The following BCL2L11 variants were observed in gnomAD, a reference collection of about 807,000 sequenced individuals.
BCL2L11 encodes bcl-2-like protein 11.
In BCL2L11, 15 loss-of-function variants were observed where a neutral mutation model predicts 20.6. The ratio of observed to expected loss-of-function variants is 0.73; its 90% confidence interval spans 0.49 to 1.12. The LOEUF (loss-of-function observed/expected upper bound fraction) is 1.12, where lower values mean the gene tolerates loss of function less well. BCL2L11 is among the 50% of genes most tolerant of loss of function. BCL2L11 has a pLI of 0.00. For synonymous variants in BCL2L11, 108 were observed against 92.8 expected (o/e 1.16, Z -0.94); for missense variants, 292 against 260.9 (o/e 1.12, Z -0.82).
Position 111,141,571 on chromosome 2 carries a change from G to A in BCL2L11, c.395-8473G>A, listed in dbSNP as rs1204931223. On this transcript the variant is annotated intron_variant, in intron 2 of 3. Coordinates refer to ENST00000393256, the MANE Select transcript of BCL2L11 (RefSeq NM_138621.5). ...GGAGATATACCTAATGCTAGATGACGAGTTAGTGGGTGCAGCACACCAGCA... is the reference window on the plus strand; with the variant it reads ...GGAGATATACCTAATGCTAGATGACAAGTTAGTGGGTGCAGCACACCAGCA... 8.0e-5 allele frequency among the ~76,000 whole-genome samples: 12 copies of A among 150,690 alleles called. No homozygotes were observed. The East Asian group carries it at 2.2e-3, about 27-fold the overall frequency.
intron 2 of BCL2L11, chr2:111,128,515 A>G (rs1367918767): frequency 7.5e-7 from 1 of 1,335,150 alleles, no homozygotes; most frequent in African/African-American, 1.5e-5. Context: ...TTGGGGAACC[A>G]TCATGCTGTT....
chr2:111,153,983 CG>C, intron 3 of BCL2L11: 1 of 1,375,120 alleles, frequency 7.3e-7, no homozygotes. Context: ...CCGGGCTGAA[CG>C]GCCTGGCCCC....
chr2:111,144,437 G>A, intron 2 of BCL2L11: 1 of 1,544,228 alleles, frequency 6.5e-7, no homozygotes, highest in Non-Finnish European at 8.8e-7. Context: ...ACATGATTCT[G>A]ATAGCATTTA....
chr2:111,136,600 G>C (rs2074929218), intron 2 of BCL2L11, among the ~76,000 whole-genome samples: 1 of 152,218 alleles, frequency 6.6e-6, no homozygotes, highest in African/African-American at 2.4e-5. Flanking sequence ...TCTGGAGGGT[G>C]ATAAGTACAA....
chr2:111,126,557 G>A (rs1367711682), intron 2 of BCL2L11, among the ~76,000 whole-genome samples: 1 of 152,006 alleles, frequency 6.6e-6, no homozygotes, highest in Non-Finnish European at 1.5e-5. Context: ...AAAGGACTTA[G>A]CCAGATGTGA....
intron 1 of BCL2L11, chr2:111,122,628 G>T (rs1197367129): frequency 1.9e-5 from 19 of 984,462 alleles, no homozygotes; most frequent in African/African-American, 3.5e-5. Context: ...CGCAGAGCGC[G>T]AGGGGAGGAG....
chr2:111,166,369 G>A lies in BCL2L11; in HGVS notation c.*2138G>A, dbSNP rs1192070260. On this transcript the variant is annotated 3_prime_UTR_variant, in exon 4 of 4. Coordinates refer to ENST00000393256, the MANE Select transcript of BCL2L11 (RefSeq NM_138621.5). The stretch of plus-strand genomic sequence containing the variant: ...TGAGCACATTTCCCTCTGGCCTGGC[G>A]GCCTCCAGGCTGGCTGTGGAAACAG... 5.2e-5 allele frequency: 8 copies of A among 152,786 alleles called. No individual in the cohort carries two copies. In the South Asian group the frequency reaches 1.2e-3, roughly 24 times the overall value. 9.5% of individuals were successfully genotyped at this position (152,786 alleles called of 1,614,324 possible). A position where few individuals can be genotyped will look rare whatever the true frequency, so the allele number is the denominator to read the frequency against.
At position 111,124,105 on chromosome 2, in the gene BCL2L11, T is replaced by G; in HGVS notation, c.360T>G (p.Pro120=). The change falls in exon 2 of 4, where the codon CCT becomes CCG. Residue 120 remains proline (P), a synonymous_variant. Coordinates refer to ENST00000393256, the MANE Select transcript of BCL2L11 (RefSeq NM_138621.5). ...AATCAACACAAACCCCAAGTCCTCC[T>G]TGCCAGGCCTTCAACCACTATCTCA... ...CDKSTQTPSP[P]CQAFNHYLSA... 6.2e-7 allele frequency: 1 copy of G among 1,613,100 alleles called. No individual in the cohort carries two copies. Among genetic ancestry groups the G allele is most frequent in the South Asian group, 1.1e-5 (1 of 91,012 alleles).
At chr2:111,122,697 G>C in intron 1 of BCL2L11, 1 of 981,978 alleles carries the variant, frequency 1.0e-6, no homozygotes, top group Non-Finnish European at 1.2e-6. Context: ...GGCCAGAGGC[G>C]CGGCGTGCGG....
intron 3 of BCL2L11, chr2:111,161,344 C>G (rs915911223): frequency 6.7e-7 from 1 of 1,501,798 alleles, no homozygotes; most frequent in African/African-American, 1.4e-5. Context: ...CGCTTGTAAT[C>G]AGGAAAGACA....
At chr2:111,150,732 AT>A (rs1188399396) in intron 3 of BCL2L11, among the ~76,000 whole-genome samples, 1 of 152,350 alleles carries the variant, frequency 6.6e-6, no homozygotes, top group East Asian at 1.9e-4. Flanking sequence ...TATATTATAG[AT>A]AATTGCCACT....
At position 111,167,161 on chromosome 2, in the gene BCL2L11, C is replaced by G. The variant is rs1407625201; in HGVS notation, c.*2930C>G. ...TATTAACATCCCTGTCTCCCACTCC[C>G]CTGCCGTCCCATGAAGTTAACTCCT... On this transcript the variant is annotated 3_prime_UTR_variant, in exon 4 of 4. Coordinates refer to ENST00000393256, the MANE Select transcript of BCL2L11 (RefSeq NM_138621.5). The G allele has an allele frequency of 6.6e-6, 1 of 152,562 alleles. No individual in the cohort carries two copies. Among genetic ancestry groups the G allele is most frequent in the South Asian group, 2.1e-4 (1 of 4,830 alleles). 9.5% of individuals were successfully genotyped at this position (152,562 alleles called of 1,614,324 possible). A position where few individuals can be genotyped will look rare whatever the true frequency, so the allele number is the denominator to read the frequency against.
chr2:111,144,507 G>A, intron 2 of BCL2L11: 1 of 1,550,600 alleles, frequency 6.4e-7, no homozygotes, highest in Non-Finnish European at 8.7e-7. Flanking sequence ...ACTAGAAACA[G>A]CTCCATCACC....
At chr2:111,148,703 G>A (rs1403249515) in intron 2 of BCL2L11, among the ~76,000 whole-genome samples, 1 of 152,152 alleles carries the variant, frequency 6.6e-6, no homozygotes, top group African/African-American at 2.4e-5. Context: ...ACTCTGGAGG[G>A]GATCGGTGTG....
intron 3 of BCL2L11, chr2:111,151,712 C>T: frequency 1.1e-6 from 1 of 887,074 alleles, no homozygotes; most frequent in Non-Finnish European, 1.8e-6. Context: ...ATCGGATCTT[C>T]CTACCTTTCT....
rs569164929 is a variant in BCL2L11 at position 111,129,899 on chromosome 2, T to G, written c.394+5760T>G. ...CCTTTTGAGATTGGCTTTTTTCACT[T>G]AGCATAATTCCCTTGAAATTAATCG... is the stretch of plus-strand genomic sequence containing the variant. On this transcript the variant is annotated intron_variant, in intron 2 of 3. Transcript: ENST00000393256. Among the ~76,000 whole-genome samples the G allele has an allele frequency of 4.6e-5, 7 of 152,360 alleles. No individual in the cohort carries two copies. In the South Asian group the frequency reaches 1.4e-3, roughly 32 times the overall value.
chr2:111,126,188 T>A (rs1016004916), intron 2 of BCL2L11, among the ~76,000 whole-genome samples: 1 of 152,202 alleles, frequency 6.6e-6, no homozygotes, highest in African/African-American at 2.4e-5. Flanking sequence ...GGTGAGATAG[T>A]GTATTTTTTA....
At chr2:111,141,443 T>C (rs1381301561) in intron 2 of BCL2L11, among the ~76,000 whole-genome samples, 27 of 146,244 alleles carry the variant, frequency 1.8e-4, no homozygotes, top group Non-Finnish European at 3.7e-4. Context: ...ATATTCTCAC[T>C]CATAGGTGGG....
At chr2:111,144,605 T>G in intron 2 of BCL2L11, 1 of 1,431,094 alleles carries the variant, frequency 7.0e-7, no homozygotes, top group Non-Finnish European at 9.5e-7. Context: ...TTTAGAAAGA[T>G]ATTTCTGAAG....
Sources: gnomAD v4.1 joint callset for allele counts (sites outside exome capture counted in the v4.1 genomes callset) on GRCh38, gnomAD v4.1.1 for gene constraint, MANE v1.5 for transcripts, NCBI Gene and HGNC (gene_info 2026-07-23, HGNC 2026-07-21) for gene names.